CEACAM21: variants seen among roughly 807,000 people sequenced by gnomAD.
The protein encoded by CEACAM21 is cell adhesion molecule CEACAM21.
A neutral mutation model predicts 33.2 loss-of-function variants in CEACAM21; 38 were observed. The observed-to-expected ratio is 1.14, with a 90% CI of 0.88 to 1.50. The LOEUF (loss-of-function observed/expected upper bound fraction) is 1.50. Among genes scored for constraint, CEACAM21 ranks in the 40% most tolerant of loss-of-function variants. CEACAM21 has a pLI of 0.00. For synonymous variants in CEACAM21, 156 were observed against 143.0 expected, an observed-to-expected ratio of 1.09 and a Z score of -0.65; for missense variants, 385 against 364.6, an observed-to-expected ratio of 1.06 and a Z score of -0.46.
At chr19:41,555,314 T>C (rs2041467706) in intron 1 of CEACAM21, 1 of 150,992 alleles carries the variant, frequency 6.6e-6, no homozygotes. Context: ...TTTTTTTTTT[T>C]TTTTTTTTCT....
At chr19:41,558,060 G>A (rs1600144719) in intron 1 of CEACAM21, among the ~76,000 whole-genome samples, 2 of 152,160 alleles carry the variant, frequency 1.3e-5, no homozygotes, top group African/African-American at 2.4e-5. Context: ...ATTTTCAGGC[G>A]ATAAACAACT....
Position 41,559,906 on chromosome 19 carries a change from A to G in CEACAM21, c.-778-4776A>G, listed in dbSNP as rs189914145. On this transcript the variant is annotated intron_variant, in intron 1 of 7. Transcript: ENST00000407170. ...GGAGGATCTATTGAGATCGGAAGTTAGAGGCTGTAGTGAGCCAGGATCAGG... is the reference window on the plus strand; with the variant it reads ...GGAGGATCTATTGAGATCGGAAGTTGGAGGCTGTAGTGAGCCAGGATCAGG... Among the ~76,000 whole-genome samples the G allele has an allele frequency of 4.2e-3, 647 of 152,296 alleles. 7 individuals are homozygous for G. Among genetic ancestry groups the G allele is most frequent in the African/African-American group, 0.013 (561 of 41,570 alleles).
chr19:41,560,078 C>T (rs2018712427), intron 1 of CEACAM21, among the ~76,000 whole-genome samples: 1 of 152,122 alleles, frequency 6.6e-6, no homozygotes, highest in African/African-American at 2.4e-5. Flanking sequence ...TTCATCCTTC[C>T]AATACAGGTA....
chr19:41,586,525 C>A lies in CEACAM21; in HGVS notation c.*62C>A. 1.6e-6 allele frequency: 1 copy of A among 632,518 alleles called. No homozygotes were observed. The highest frequency in any genetic ancestry group is 3.0e-6 in the Non-Finnish European group (1 of 328,878). The allele number at this position is 632,518 out of a possible 1,614,324, so 39.2% of individuals were successfully genotyped here. On this transcript the variant is annotated 3_prime_UTR_variant, in exon 7 of 7. Transcript: ENST00000401445. ...ATCGACCACAAAGCAGATGTGGCTTCTTAGGTTCCTCTGGGAGCTGCTCCT... is the reference window on the plus strand; with the variant it reads ...ATCGACCACAAAGCAGATGTGGCTTATTAGGTTCCTCTGGGAGCTGCTCCT...
In CEACAM21 at chr19:41,577,301, G is replaced by A. The variant is rs1555791518; in HGVS notation, c.166G>A (p.Val56Ile). 1 of 1,614,068 alleles carries A rather than the reference G, an allele frequency of 6.2e-7. No homozygotes were observed. Among genetic ancestry groups the A allele is most frequent in the Non-Finnish European group, 8.5e-7 (1 of 1,179,978 alleles). Residue 56 changes from valine (V) to isoleucine (I), a missense_variant, in exon 2 of 7, where the codon GTT becomes ATT. Coordinates refer to ENST00000401445, the MANE Select transcript of CEACAM21 (RefSeq NM_001098506.4). The part of the protein sequence containing the change: ...AEGENVHLSV[V>I]YLPENLYSYG... ...AGGGGAGAATGTTCATCTCTCTGTG[G>A]TTTATCTGCCCGAGAATCTTTACAG...
At position 41,576,232 on chromosome 19, in the gene CEACAM21, A is replaced by G; in HGVS notation, c.-43A>G. On this transcript the variant is annotated 5_prime_UTR_variant, in exon 1 of 7. Transcript: ENST00000401445. ...CCTGTCTAGAGCGTTCCTGGAGCCCAAGCTCCTCTCCACAGAGGAGGACAG... is the reference window on the plus strand; with the variant it reads ...CCTGTCTAGAGCGTTCCTGGAGCCCGAGCTCCTCTCCACAGAGGAGGACAG... The G allele has an allele frequency of 6.2e-7, 1 of 1,609,404 alleles. No individual in the cohort carries two copies. The highest frequency in any genetic ancestry group is 1.1e-5 in the South Asian group (1 of 90,994).
intron 2 of CEACAM21, 131 bp from the exon 3 acceptor site, chr19:41,579,222 G>C: frequency 6.8e-7 from 1 of 1,470,872 alleles, no homozygotes; most frequent in Non-Finnish European, 9.3e-7. Flanking sequence ...GGGTGTCTCT[G>C]GTTCTCTCTG....
intron 3 of CEACAM21, among the ~76,000 whole-genome samples, chr19:41,583,751 A>G (rs2070490276): frequency 1.3e-5 from 2 of 152,188 alleles, no homozygotes; most frequent in South Asian, 4.1e-4. Flanking sequence ...TACCTCCCAC[A>G]AGGTCCCTCC....
At chr19:41,576,456 G>T in intron 1 of CEACAM21, 118 bp downstream of exon 1, 1 of 1,161,352 alleles carries the variant, frequency 8.6e-7, no homozygotes, top group South Asian at 1.6e-5. Flanking sequence ...AGACTCAGGG[G>T]AGAGAGCGTC....
intron 1 of CEACAM21, among the ~76,000 whole-genome samples, chr19:41,553,938 T>G: frequency 8.4e-6 from 1 of 119,740 alleles, no homozygotes; most frequent in Non-Finnish European, 2.0e-5. Flanking sequence ...CCACAAATAG[T>G]TTCCAAATTC....
chr19:41,562,005 G>A (rs1203469761), intron 1 of CEACAM21, among the ~76,000 whole-genome samples: 1 of 152,202 alleles, frequency 6.6e-6, no homozygotes, highest in African/African-American at 2.4e-5. Flanking sequence ...CAACACTTTG[G>A]GAGGCCAAAG....
At chr19:41,560,025 A>C (rs1188051021) in intron 1 of CEACAM21, among the ~76,000 whole-genome samples, 3 of 152,182 alleles carry the variant, frequency 2.0e-5, no homozygotes, top group Non-Finnish European at 2.9e-5. Flanking sequence ...AACAAAAAGC[A>C]TGAGTAGCCC....
intron 2 of CEACAM21, 199 bp from the exon 3 acceptor site, chr19:41,579,154 G>A: frequency 5.1e-6 from 4 of 779,916 alleles, no homozygotes; most frequent in Non-Finnish European, 8.2e-6. Context: ...GAGGCAGCTG[G>A]GTCCTCCTGG....
chr19:41,564,079 GTCTAAACCAGCT>G (rs1427491177), intron 1 of CEACAM21, among the ~76,000 whole-genome samples: 1 of 152,146 alleles, frequency 6.6e-6, no homozygotes, highest in Non-Finnish European at 1.5e-5. Flanking sequence ...GTCTCACCTG[GTCTAAACCAGCT>G]CAGGTTCTCT....
At chr19:41,554,214 T>C (rs2041400709) in intron 1 of CEACAM21, among the ~76,000 whole-genome samples, 1 of 152,040 alleles carries the variant, frequency 6.6e-6, no homozygotes, top group Non-Finnish European at 1.5e-5. Context: ...ATTTTTCCTC[T>C]CTTCTGATGT....
upstream of CEACAM21, among the ~76,000 whole-genome samples, chr19:41,573,682 C>T (rs1345169813): frequency 3.3e-5 from 5 of 152,204 alleles, no homozygotes; most frequent in Non-Finnish European, 7.3e-5. Context: ...TTGTCCCTCA[C>T]TATGTAGGCA....
intron 6 of CEACAM21, 78 bp downstream of exon 6, chr19:41,585,949 C>A: frequency 7.1e-7 from 1 of 1,412,780 alleles, no homozygotes; most frequent in East Asian, 2.4e-5. Context: ...CTGTCAATCC[C>A]CAGCACAAAC....
At chr19:41,570,673 C>T (rs1195581099) in intron 2 of CEACAM21, among the ~76,000 whole-genome samples, 2 of 152,144 alleles carry the variant, frequency 1.3e-5, no homozygotes, top group African/African-American at 2.4e-5. Flanking sequence ...CCCTGGGGTC[C>T]CTGAGGTCTG....
chr19:41,585,270 G>C (rs1021692634), intron 4 of CEACAM21, among the ~76,000 whole-genome samples, 173 bp from the exon 5 acceptor site: 1 of 152,070 alleles, frequency 6.6e-6, no homozygotes, highest in Non-Finnish European at 1.5e-5. Context: ...ATGTGGCTTT[G>C]TAAGGCCTTT....
Sources: allele counts gnomAD v4.1 joint callset (sites outside exome capture counted in the v4.1 genomes callset), GRCh38; gene constraint gnomAD v4.1.1; transcripts MANE v1.5; gene names NCBI Gene and HGNC (gene_info 2026-07-23, HGNC 2026-07-21).